AGPAT5: variants seen among roughly 807,000 people sequenced by gnomAD.
AGPAT5 encodes the protein 1-acyl-sn-glycerol-3-phosphate acyltransferase epsilon.
Under a neutral mutation model 45.6 loss-of-function variants are expected in AGPAT5, and 46 were observed. The observed-to-expected ratio is 1.01, with a 90% confidence interval of 0.80 to 1.29. The LOEUF (loss-of-function observed/expected upper bound fraction) is 1.29. Among genes scored for constraint, AGPAT5 ranks in the 50% most tolerant of loss-of-function variants. AGPAT5 has a pLI of 0.00. For synonymous variants in AGPAT5, 272 were observed against 167.0 expected (o/e 1.63, Z -4.85); for missense variants, 673 against 450.7 (o/e 1.49, Z -4.47).
In AGPAT5 at chr8:6,715,632, A is replaced by C. The variant is rs1255637002; in HGVS notation, c.219+6745A>C. Among the ~76,000 whole-genome samples the C allele has an allele frequency of 3.3e-5, 5 of 152,314 alleles. No individual in the cohort carries two copies. The East Asian group carries it at 9.6e-4, about 29-fold the overall frequency. ...GGAGTTTCAGGCACTTATTTTCTGA[A>C]GATGCTCTGCCTGGCAATGTGGTTA... On this transcript the variant is annotated intron_variant, in intron 1 of 7. Transcript: ENST00000285518.
chr8:6,755,266 T>C, intron 7 of AGPAT5, 92 bp downstream of exon 7: 1 of 1,297,456 alleles, frequency 7.7e-7, no homozygotes, highest in Non-Finnish European at 1.1e-6. Flanking sequence ...ATGGTTATAT[T>C]GTCTCAAGAA....
intron 1 of AGPAT5, among the ~76,000 whole-genome samples, chr8:6,717,920 T>C (rs2116862574): frequency 6.6e-6 from 1 of 152,354 alleles, no homozygotes; most frequent in African/African-American, 2.4e-5. Context: ...TTTGTCACAG[T>C]CAAAAGATTT....
intron 1 of AGPAT5, among the ~76,000 whole-genome samples, chr8:6,715,259 T>C (rs1382605908): frequency 6.6e-6 from 1 of 152,222 alleles, no homozygotes; most frequent in Non-Finnish European, 1.5e-5. Flanking sequence ...AAAATCTTAC[T>C]GAGCAAGTGA....
chr8:6,716,158 A>G (rs1308713017), intron 1 of AGPAT5, among the ~76,000 whole-genome samples: 1 of 152,198 alleles, frequency 6.6e-6, no homozygotes, highest in Non-Finnish European at 1.5e-5. Context: ...CTGATATAAC[A>G]TTAGCATATT....
intron 2 of AGPAT5, among the ~76,000 whole-genome samples, chr8:6,726,137 G>A (rs1323093331): frequency 6.6e-6 from 1 of 152,162 alleles, no homozygotes; most frequent in Admixed American, 6.5e-5. Flanking sequence ...GGCAAAAATA[G>A]CAAAACAGTC....
chr8:6,745,601 G>A (rs906630986), intron 5 of AGPAT5, among the ~76,000 whole-genome samples: 3 of 152,096 alleles, frequency 2.0e-5, no homozygotes, highest in African/African-American at 7.2e-5. Context: ...TCTTGTTGAA[G>A]ATAAATATCA....
intron 1 of AGPAT5, among the ~76,000 whole-genome samples, chr8:6,715,263 C>T (rs184346286): frequency 3.9e-5 from 6 of 152,246 alleles, no homozygotes; most frequent in Non-Finnish European, 7.4e-5. Context: ...TCTTACTGAG[C>T]AAGTGACATT....
In AGPAT5 at chr8:6,724,892, CA is replaced by C. The variant is rs1277762849; in HGVS notation, c.248del (p.Asn83IlefsTer5). On this transcript the variant is annotated frameshift_variant, in exon 2 of 8. Transcript: ENST00000285518. LOFTEE classifies it high-confidence loss of function. ...GVQILLYGDL[P>X]KNKENIIYLA... ...TAGATATTGCTATATGGAGATTTGCCAAAAAATAAAGAAAATATAATATATT... is the reference window on the plus strand; with the variant it reads ...TAGATATTGCTATATGGAGATTTGCCAAAAATAAAGAAAATATAATATATT... The C allele has an allele frequency of 3.5e-6, 4 of 1,140,032 alleles. No individual in the cohort carries two copies. Among genetic ancestry groups the C allele is most frequent in the South Asian group, 2.5e-5 (1 of 40,408 alleles). The allele number at this position is 1,140,032 out of a possible 1,614,324, so 70.6% of individuals were successfully genotyped here.
chr8:6,715,338 G>A (rs1332393896), intron 1 of AGPAT5, among the ~76,000 whole-genome samples: 1 of 152,208 alleles, frequency 6.6e-6, no homozygotes, highest in African/African-American at 2.4e-5. Flanking sequence ...AGAAATGATG[G>A]TTAGGGGAGT....
chr8:6,716,978 G>A (rs1308756078), intron 1 of AGPAT5, among the ~76,000 whole-genome samples: 6 of 152,186 alleles, frequency 3.9e-5, no homozygotes, highest in Admixed American at 1.3e-4. Context: ...GATAAGTTTT[G>A]CTCTAACAGG....
chr8:6,722,326 A>G (rs1254411300), intron 1 of AGPAT5, among the ~76,000 whole-genome samples: 1 of 152,206 alleles, frequency 6.6e-6, no homozygotes, highest in Non-Finnish European at 1.5e-5. Context: ...CTTATGCCAA[A>G]GTAGCATATT....
intron 6 of AGPAT5, among the ~76,000 whole-genome samples, chr8:6,754,002 T>A (rs1318724966): frequency 6.6e-6 from 1 of 152,178 alleles, no homozygotes; most frequent in Non-Finnish European, 1.5e-5. Flanking sequence ...GTAGAATTCA[T>A]CATTTCTCAG....
At chr8:6,743,026 T>G (rs563640462) in intron 5 of AGPAT5, among the ~76,000 whole-genome samples, 10 of 152,366 alleles carry the variant, frequency 6.6e-5, no homozygotes, top group African/African-American at 2.4e-4. Context: ...ACCTTTGTTG[T>G]AAGCACTTTT....
At chr8:6,723,267 G>T (rs1587011459) in intron 1 of AGPAT5, among the ~76,000 whole-genome samples, 1 of 152,260 alleles carries the variant, frequency 6.6e-6, no homozygotes, top group East Asian at 1.9e-4. Flanking sequence ...GTCCCTAAGG[G>T]GCTGGGGACT....
Position 6,757,439 on chromosome 8 carries a change from C to T in AGPAT5, c.*51C>T, listed in dbSNP as rs369644951. The T allele has an allele frequency of 4.0e-5, 57 of 1,434,764 alleles. No individual in the cohort carries two copies. Among genetic ancestry groups the T allele is most frequent in the Non-Finnish European group, 5.0e-5 (51 of 1,023,648 alleles). 88.9% of individuals were successfully genotyped at this position (1,434,764 alleles called of 1,614,324 possible). Reference sequence around the variant, plus strand: ...GATGTGCTACATTGTCTATTTTTGGCGGCTGCACATGACATCAAATTGTTT... The same window carrying T: ...GATGTGCTACATTGTCTATTTTTGGTGGCTGCACATGACATCAAATTGTTT... On this transcript the variant is annotated 3_prime_UTR_variant, in exon 8 of 8. Transcript: ENST00000285518.
intron 2 of AGPAT5, among the ~76,000 whole-genome samples, chr8:6,725,522 A>G (rs1347030202): frequency 1.3e-5 from 2 of 152,234 alleles, no homozygotes; most frequent in Admixed American, 6.5e-5. Flanking sequence ...AGGTAATTCT[A>G]GAGTCCCAAG....
intron 1 of AGPAT5, among the ~76,000 whole-genome samples, chr8:6,722,832 T>C (rs962356971): frequency 6.6e-6 from 1 of 152,036 alleles, no homozygotes; most frequent in African/African-American, 2.4e-5. Context: ...AAAGAGAAAT[T>C]TTTTTTTCTG....
At chr8:6,720,132 G>C (rs1264898837) in intron 1 of AGPAT5, among the ~76,000 whole-genome samples, 3 of 152,130 alleles carry the variant, frequency 2.0e-5, no homozygotes, top group Non-Finnish European at 4.4e-5. Flanking sequence ...CAGACTTCCA[G>C]TACATTCTGG....
At chr8:6,755,628 G>C (rs1046677909) in intron 7 of AGPAT5, among the ~76,000 whole-genome samples, 1 of 152,184 alleles carries the variant, frequency 6.6e-6, no homozygotes, top group Admixed American at 6.5e-5. Flanking sequence ...GGAAATAGAA[G>C]GGGGCAGTTG....
Sources: allele counts gnomAD v4.1 joint callset (sites outside exome capture counted in the v4.1 genomes callset), GRCh38; gene constraint gnomAD v4.1.1; transcripts MANE v1.5; gene names NCBI Gene and HGNC (gene_info 2026-07-23, HGNC 2026-07-21).